The following INSIG2 variants were observed in gnomAD, a reference collection of about 807,000 sequenced individuals.
INSIG2 encodes insulin-induced gene 2 protein.
Under a neutral mutation model 27.2 loss-of-function variants are expected in INSIG2, and 10 were observed. That is an observed-to-expected ratio of 0.37 (90% CI 0.23 to 0.62). INSIG2 has a LOEUF of 0.62. INSIG2 is among the 20% of genes least tolerant of loss of function. INSIG2 has a pLI of 0.65. For synonymous variants in INSIG2, 97 were observed against 95.8 expected (o/e 1.01, Z -0.07); for missense variants, 178 against 270.2 (o/e 0.66, Z 2.39).
Position 118,108,348 on chromosome 2 carries a change from A to G in INSIG2, c.*26A>G. 6.4e-7 allele frequency: 1 copy of G among 1,557,870 alleles called. No homozygotes were observed. Among genetic ancestry groups the G allele is most frequent in the East Asian group, 2.3e-5 (1 of 44,016 alleles). ...AGAAGGCAAAAAATATCTTTTGTAC[A>G]GAAAAGCAAGATGAAAAGGATGTGA... On this transcript the variant is annotated 3_prime_UTR_variant, in exon 6 of 6. Coordinates refer to ENST00000245787, the MANE Select transcript of INSIG2 (RefSeq NM_016133.4).
rs756695475 is a variant in INSIG2, at chr2:118,108,423, A to C, written c.*101A>C. ...TCAGACTGTAAAATTGCCAGGATGC[A>C]GTTTTCCCCTTGATTGGCGTGTGTG... On this transcript the variant is annotated 3_prime_UTR_variant, in exon 6 of 6. Transcript: ENST00000245787. 1.2e-6 allele frequency: 1 copy of C among 835,662 alleles called. No individual in the cohort carries two copies. Among genetic ancestry groups the C allele is most frequent in the Admixed American group, 2.3e-5 (1 of 44,316 alleles). The allele number at this position is 835,662 out of a possible 1,614,324, so 51.8% of individuals were successfully genotyped here.
chr2:118,102,417 C>CT (rs1158909704), intron 2 of INSIG2: 5 of 152,174 alleles, frequency 3.3e-5, no homozygotes, highest in African/African-American at 1.2e-4. Context: ...CTTTCCAAAA[C>CT]TAAGAGAAGT....
At chr2:118,106,132 C>G (rs1040892879) in intron 3 of INSIG2, among the ~76,000 whole-genome samples, 15 of 152,194 alleles carry the variant, frequency 9.9e-5, no homozygotes, top group Admixed American at 9.2e-4. Context: ...GCTTTATCCT[C>G]AACAAATTAA....
intron 1 of INSIG2, 126 bp from the exon 2 acceptor site, chr2:118,096,293 A>G (rs752669860): frequency 4.7e-5 from 15 of 318,108 alleles, no homozygotes; most frequent in Non-Finnish European, 8.0e-5. Flanking sequence ...AGTAATTTGA[A>G]TAAATTAGTA....
At chr2:118,101,920 C>T (rs1678554903) in intron 2 of INSIG2, among the ~76,000 whole-genome samples, 1 of 152,158 alleles carries the variant, frequency 6.6e-6, no homozygotes, top group South Asian at 2.1e-4. Flanking sequence ...CATCTCATCT[C>T]GAGATAGAAG....
intron 1 of INSIG2, among the ~76,000 whole-genome samples, chr2:118,089,168 G>A (rs987930244): frequency 6.6e-6 from 1 of 152,178 alleles, no homozygotes; most frequent in Non-Finnish European, 1.5e-5. Flanking sequence ...TTGGCAATAT[G>A]GAGAAGGAAA....
In INSIG2 at chr2:118,108,533, A is replaced by T; in HGVS notation, c.*211A>T. ...ATCTGTAAATCAGTTGTAAACCTTT[A>T]CATATTTGACTTAAATAACTGTAAG... On this transcript the variant is annotated 3_prime_UTR_variant, in exon 6 of 6. Coordinates refer to ENST00000245787, the MANE Select transcript of INSIG2 (RefSeq NM_016133.4). 1 of 424,130 alleles carries T rather than the reference A, an allele frequency of 2.4e-6. No homozygotes were observed. The highest frequency in any genetic ancestry group is 4.3e-6 in the Non-Finnish European group (1 of 234,884). The allele number at this position is 424,130 out of a possible 1,614,324, so 26.3% of individuals were successfully genotyped here. A position where few individuals can be genotyped will look rare whatever the true frequency, so the allele number is the denominator to read the frequency against.
intron 1 of INSIG2, among the ~76,000 whole-genome samples, chr2:118,090,762 T>C (rs1678205422): frequency 6.6e-6 from 1 of 152,222 alleles, no homozygotes; most frequent in Admixed American, 6.5e-5. Context: ...TTTTGTACCA[T>C]GTTTGTGAAT....
chr2:118,092,075 T>A (rs1314347859), intron 1 of INSIG2, among the ~76,000 whole-genome samples: 1 of 152,236 alleles, frequency 6.6e-6, no homozygotes, highest in Non-Finnish European at 1.5e-5. Context: ...ATAGCTTTTT[T>A]AAACTGAAGT....
chr2:118,100,522 G>A (rs1200090009), intron 2 of INSIG2, among the ~76,000 whole-genome samples: 1 of 151,820 alleles, frequency 6.6e-6, no homozygotes, highest in South Asian at 2.1e-4. Context: ...GGGATTACAG[G>A]CGCCCACCAC....
Position 118,089,992 on chromosome 2 carries a change from A to C in INSIG2, c.-139+1451A>C, listed in dbSNP as rs569368867. ...AAGAGTTGCAGTGTTTATAAGGCAA[A>C]TATTGCTTTTCTTCCTAGAAATTTT... On this transcript the variant is annotated intron_variant, in intron 1 of 5. Transcript: ENST00000245787. 1.2e-4 allele frequency among the ~76,000 whole-genome samples: 18 copies of C among 152,268 alleles called. No individual in the cohort carries two copies. The South Asian group carries it at 3.1e-3, about 26-fold the overall frequency.
chr2:118,099,817 C>T (rs1678497044), intron 2 of INSIG2, among the ~76,000 whole-genome samples: 1 of 152,190 alleles, frequency 6.6e-6, no homozygotes, highest in African/African-American at 2.4e-5. Context: ...TTACATCTTT[C>T]CTCTGTCTCT....
chr2:118,101,028 A>C (rs953711337), intron 2 of INSIG2, among the ~76,000 whole-genome samples: 1 of 152,224 alleles, frequency 6.6e-6, no homozygotes, highest in African/African-American at 2.4e-5. Flanking sequence ...ATTTATAAGC[A>C]GGATTGTGTT....
intron 1 of INSIG2, among the ~76,000 whole-genome samples, chr2:118,092,394 A>C (rs571078128): frequency 2.6e-4 from 40 of 152,290 alleles, no homozygotes; most frequent in Middle Eastern, 3.4e-3. Flanking sequence ...TTTTACATTT[A>C]TTCTCATCAT....
At chr2:118,103,086 T>G (rs947641028) in intron 2 of INSIG2, 111 bp from the exon 3 acceptor site, 7 of 1,005,818 alleles carry the variant, frequency 7.0e-6, no homozygotes, top group Admixed American at 2.6e-5. Context: ...TTTTGTTTTT[T>G]TTTTTTTAAG....
chr2:118,107,195 C>A lies in INSIG2; in HGVS notation c.636+6C>A, dbSNP rs769470534. 1 of 1,579,218 alleles carries A rather than the reference C, an allele frequency of 6.3e-7. No individual in the cohort carries two copies. Among genetic ancestry groups the A allele is most frequent in the Non-Finnish European group, 8.7e-7 (1 of 1,149,020 alleles). The stretch of plus-strand genomic sequence containing the variant: ...TTGGTCGACAACTGGCAATGGTAAG[C>A]TGATGCTCACTTTTCTGAATAAGAT... On this transcript the variant is annotated splice_donor_region_variant and intron_variant, in intron 5 of 5. Coordinates refer to ENST00000245787, the MANE Select transcript of INSIG2 (RefSeq NM_016133.4).
At chr2:118,100,918 A>G (rs1057439027) in intron 2 of INSIG2, among the ~76,000 whole-genome samples, 4 of 152,182 alleles carry the variant, frequency 2.6e-5, no homozygotes, top group African/African-American at 9.7e-5. Flanking sequence ...ATATTTTACA[A>G]ACTTCTTTAG....
At position 118,095,615 on chromosome 2, in the gene INSIG2, A is replaced by C. The variant is rs190373653; in HGVS notation, c.-138-804A>C. Among the ~76,000 whole-genome samples, 10 of 152,328 alleles carry C rather than the reference A, an allele frequency of 6.6e-5. No individual in the cohort carries two copies. In the East Asian group the frequency reaches 1.9e-3, roughly 29 times the overall value. Reference sequence around the variant, plus strand: ...GTACCTAGACTGATTGTAGTAGCAAAGTTTTAGGTTTTAGGAGTCAGGGAC... The same window carrying C: ...GTACCTAGACTGATTGTAGTAGCAACGTTTTAGGTTTTAGGAGTCAGGGAC... On this transcript the variant is annotated intron_variant, in intron 1 of 5. Coordinates refer to ENST00000245787, the MANE Select transcript of INSIG2 (RefSeq NM_016133.4).
intron 1 of INSIG2, among the ~76,000 whole-genome samples, chr2:118,089,309 T>C (rs13428113): frequency 0.52 from 78,570 of 152,044 alleles, 20,718 homozygotes; most frequent in Middle Eastern, 0.6. Context: ...AAATATACCA[T>C]GAAGAACTTG....
Sources: allele counts gnomAD v4.1 joint callset (sites outside exome capture counted in the v4.1 genomes callset), GRCh38; gene constraint gnomAD v4.1.1; transcripts MANE v1.5; gene names NCBI Gene and HGNC (gene_info 2026-07-23, HGNC 2026-07-21).